The following STARD13 variants were observed in gnomAD, a reference collection of about 807,000 sequenced individuals.
STARD13 encodes the protein StAR related lipid transfer domain containing 13.
A neutral mutation model predicts 106.4 loss-of-function variants in STARD13; 62 were observed. The observed-to-expected ratio is 0.58, with a 90% CI of 0.48 to 0.72. The LOEUF is 0.72. Among genes scored for constraint, STARD13 ranks in the 30% least tolerant of loss-of-function variants. The pLI, the probability that STARD13 is intolerant of heterozygous loss-of-function variation, is 0.00. For synonymous variants in STARD13, 565 were observed against 553.0 expected (o/e 1.02, Z -0.31); for missense variants, 1,387 against 1,424.0 (o/e 0.97, Z 0.42).
the STARD13 span, among the ~76,000 whole-genome samples, chr13:33,569,225 G>A: frequency 2.0e-4 from 29 of 148,082 alleles, 1 homozygote; most frequent in African/African-American, 7.2e-4. Flanking sequence ...AGGTAATAAG[G>A]ACAGTGTAAA....
intron 1 of STARD13, among the ~76,000 whole-genome samples, chr13:33,343,351 C>A (rs536515054): frequency 6.6e-6 from 1 of 151,186 alleles, no homozygotes; most frequent in African/African-American, 2.4e-5. Flanking sequence ...GAGGTGGGAA[C>A]ATTGTTTGAG....
the STARD13 span, among the ~76,000 whole-genome samples, chr13:33,472,572 T>A: frequency 6.6e-6 from 1 of 151,776 alleles, no homozygotes; most frequent in Non-Finnish European, 1.5e-5. Flanking sequence ...ACAGTGCCAG[T>A]TGTTCCCTAG....
At chr13:33,413,899 GAC>G in the STARD13 span, among the ~76,000 whole-genome samples, 5 of 151,852 alleles carry the variant, frequency 3.3e-5, no homozygotes, top group African/African-American at 4.8e-5. Context: ...TGAACATAGT[GAC>G]ACACACCCAT....
chr13:33,660,125 C>T, the STARD13 span, among the ~76,000 whole-genome samples: 1 of 152,130 alleles, frequency 6.6e-6, no homozygotes, highest in East Asian at 1.9e-4. Context: ...GCTCTGCTCA[C>T]GAGGGCCTTC....
chr13:33,234,244 T>C (rs1238763344), intron 1 of STARD13, among the ~76,000 whole-genome samples: 1 of 152,194 alleles, frequency 6.6e-6, no homozygotes, highest in African/African-American at 2.4e-5. Flanking sequence ...GGTACCCGCT[T>C]TTCTGGTCAT....
At chr13:33,305,380 C>A (rs1445293440) in intron 1 of STARD13, among the ~76,000 whole-genome samples, 4 of 152,190 alleles carry the variant, frequency 2.6e-5, no homozygotes, top group Non-Finnish European at 4.4e-5. Flanking sequence ...TAGGTAGAGC[C>A]TCATATCTTT....
At chr13:33,586,516 G>T in the STARD13 span, among the ~76,000 whole-genome samples, 1 of 152,136 alleles carries the variant, frequency 6.6e-6, no homozygotes, top group South Asian at 2.1e-4. Context: ...AATACTAGTG[G>T]ATTTCCAATT....
chr13:33,178,632 T>G (rs1295555096), intron 1 of STARD13, among the ~76,000 whole-genome samples: 1 of 152,204 alleles, frequency 6.6e-6, no homozygotes, highest in Non-Finnish European at 1.5e-5. Flanking sequence ...AAAACTAAGG[T>G]CCTGGACCGT....
chr13:33,152,246 C>A (rs1187880675), intron 3 of STARD13, among the ~76,000 whole-genome samples: 1 of 152,122 alleles, frequency 6.6e-6, no homozygotes, highest in East Asian at 1.9e-4. Context: ...TAGGAGTCGA[C>A]AACAACTAGC....
At chr13:33,244,536 G>A (rs1189766800) in intron 1 of STARD13, among the ~76,000 whole-genome samples, 1 of 151,980 alleles carries the variant, frequency 6.6e-6, no homozygotes, top group Non-Finnish European at 1.5e-5. Flanking sequence ...TCAAATCTGG[G>A]TTTGGCCATG....
the STARD13 span, among the ~76,000 whole-genome samples, chr13:33,666,488 G>T: frequency 6.6e-6 from 1 of 151,854 alleles, no homozygotes; most frequent in African/African-American, 2.4e-5. Context: ...GTAGAGATGG[G>T]ATTTCACTGT....
chr13:33,346,638 TA>T (rs2078020026), downstream of STARD13, among the ~76,000 whole-genome samples: 1 of 152,204 alleles, frequency 6.6e-6, no homozygotes, highest in South Asian at 2.1e-4. Flanking sequence ...ATTTATTTTT[TA>T]TTTTTTTTGA....
At chr13:33,136,139 A>G (rs1190918836) in intron 4 of STARD13, among the ~76,000 whole-genome samples, 6 of 146,578 alleles carry the variant, frequency 4.1e-5, no homozygotes, top group East Asian at 2.0e-4. Context: ...AAAATTATAT[A>G]TATCTTATAC....
At chr13:33,643,611 A>T in the STARD13 span, among the ~76,000 whole-genome samples, 1 of 152,062 alleles carries the variant, frequency 6.6e-6, no homozygotes, top group Non-Finnish European at 1.5e-5. Flanking sequence ...TTTGTCAGGA[A>T]CTCTCCTGTC....
intron 1 of STARD13, among the ~76,000 whole-genome samples, chr13:33,253,454 C>G (rs916793878): frequency 6.6e-6 from 1 of 152,178 alleles, no homozygotes; most frequent in Admixed American, 6.5e-5. Context: ...CCCCAAAGAA[C>G]ACAATTATCC....
the STARD13 span, among the ~76,000 whole-genome samples, chr13:33,488,016 C>A: frequency 6.6e-6 from 1 of 152,134 alleles, no homozygotes; most frequent in African/African-American, 2.4e-5. Flanking sequence ...CTTGGTGATA[C>A]CATTCTTCCT....
At chr13:33,419,968 G>T in the STARD13 span, among the ~76,000 whole-genome samples, 1 of 152,190 alleles carries the variant, frequency 6.6e-6, no homozygotes, top group Non-Finnish European at 1.5e-5. Context: ...ACTAAACATG[G>T]AAAGGAACAA....
the STARD13 span, among the ~76,000 whole-genome samples, chr13:33,473,397 A>G: frequency 6.6e-6 from 1 of 152,228 alleles, no homozygotes; most frequent in African/African-American, 2.4e-5. Context: ...TTGAAGCCAT[A>G]TATGTGTTAC....
chr13:33,159,755 C>T (rs767096830), intron 3 of STARD13, among the ~76,000 whole-genome samples: 3 of 152,052 alleles, frequency 2.0e-5, no homozygotes, highest in Admixed American at 1.3e-4. Context: ...TACAGTAACA[C>T]CACAAACATG....
Sources: allele counts gnomAD v4.1 joint callset (sites outside exome capture counted in the v4.1 genomes callset), GRCh38; gene constraint gnomAD v4.1.1; transcripts MANE v1.5; gene names NCBI Gene and HGNC (gene_info 2026-07-23, HGNC 2026-07-21).